The following PGM2 variants were observed in gnomAD, a reference collection of about 807,000 sequenced individuals.
PGM2 encodes phosphoglucomutase 2, also known as phosphopentomutase.
In PGM2, 57 loss-of-function variants were observed where a neutral mutation model predicts 74.6. That is an observed-to-expected ratio of 0.76 (90% CI 0.62 to 0.95). PGM2 has a LOEUF of 0.95. Ranked by LOEUF, PGM2 falls within the 40% of genes least tolerant of loss-of-function variation. PGM2 has a pLI of 0.00. For synonymous variants in PGM2, 273 were observed against 260.7 expected (o/e 1.05, Z -0.46); for missense variants, 706 against 741.9 (o/e 0.95, Z 0.56).
intron 12 of PGM2, among the ~76,000 whole-genome samples, chr4:37,852,671 T>C (rs1354358030): frequency 1.3e-5 from 2 of 152,208 alleles, no homozygotes; most frequent in African/African-American, 4.8e-5. Context: ...CAATCCTTCC[T>C]TTTTCAGCAG....
rs1725515021 is a variant in PGM2, at chr4:37,834,535, A to G, written c.250-83A>G. The G allele has an allele frequency of 5.9e-6, 4 of 679,066 alleles. No homozygotes were observed. In the East Asian group the frequency reaches 1.2e-4, roughly 20 times the overall value. 42.1% of individuals were successfully genotyped at this position (679,066 alleles called of 1,614,324 possible). ...ATAGTGTTCTATGAAATTTGAGAAAACTTAATTTTTGGCTAATTTTTCTAT... is the reference window on the plus strand; with the variant it reads ...ATAGTGTTCTATGAAATTTGAGAAAGCTTAATTTTTGGCTAATTTTTCTAT... On this transcript the variant is annotated intron_variant, in intron 2 of 13. Coordinates refer to ENST00000381967, the MANE Select transcript of PGM2 (RefSeq NM_018290.4).
rs142630273 is a variant in PGM2, at chr4:37,847,025, G to T, written c.1102G>T (p.Ala368Ser). ...SWKEKNQDRS[A>S]LKDTYMLSST... is the part of the protein sequence containing the mutation. ...GAAAGAGAAGAACCAGGATCGCAGTGCTCTCAAAGACACGTACATGTTGTC... is the reference window on the plus strand; with the variant it reads ...GAAAGAGAAGAACCAGGATCGCAGTTCTCTCAAAGACACGTACATGTTGTC... The change falls in exon 9 of 14, where the codon GCT becomes TCT. Residue 368 changes from alanine to serine, a missense_variant. By Grantham distance (99) the Ala-to-Ser change is moderately conservative (BLOSUM62 1). This residue lies in a region of PGM2 where 359 missense variants were observed against 371.1 expected (regional missense o/e 0.97). Coordinates refer to ENST00000381967, the MANE Select transcript of PGM2 (RefSeq NM_018290.4). 25 of 1,613,306 alleles carry T rather than the reference G, an allele frequency of 1.5e-5. No homozygotes were observed. In the African/African-American group the frequency reaches 2.8e-4, roughly 18 times the overall value.
intron 12 of PGM2, among the ~76,000 whole-genome samples, chr4:37,850,916 A>G (rs4832958): frequency 0.79 from 118,713 of 149,766 alleles, 47,430 homozygotes; most frequent in African/African-American, 0.87. Flanking sequence ...GCTTGAACCC[A>G]GGAGGCAGAA....
At chr4:37,835,788 C>A (rs1725553780) in intron 3 of PGM2, among the ~76,000 whole-genome samples, 1 of 152,132 alleles carries the variant, frequency 6.6e-6, no homozygotes, top group Non-Finnish European at 1.5e-5. Flanking sequence ...GGCATCAGCC[C>A]CAGGTTCAAC....
At chr4:37,845,819 T>C (rs1725856608) in intron 8 of PGM2, 89 bp downstream of exon 8, 8 of 836,496 alleles carry the variant, frequency 9.6e-6, no homozygotes, top group South Asian at 8.5e-5. Context: ...CGGGACCTAT[T>C]TGGAAACATT....
chr4:37,833,593 T>C (rs992147058), intron 2 of PGM2, among the ~76,000 whole-genome samples: 3 of 152,140 alleles, frequency 2.0e-5, no homozygotes, highest in South Asian at 4.1e-4. Context: ...TTAATAAGAC[T>C]TCCTTTAGCA....
At chr4:37,835,185 A>C (rs935361664) in intron 3 of PGM2, among the ~76,000 whole-genome samples, 1 of 152,230 alleles carries the variant, frequency 6.6e-6, no homozygotes, top group African/African-American at 2.4e-5. Flanking sequence ...GCTGATTATG[A>C]ACCAGACACT....
At chr4:37,857,680 T>C (rs555794584) in intron 13 of PGM2, among the ~76,000 whole-genome samples, 194 of 152,288 alleles carry the variant, frequency 1.3e-3, no homozygotes, top group Non-Finnish European at 2.2e-3. Flanking sequence ...TAAGAAGTCA[T>C]GGGACTATGT....
chr4:37,855,609 TTC>T lies in PGM2; in HGVS notation c.1606_1607del (p.Leu536SerfsTer3). On this transcript the variant is annotated frameshift_variant and splice_region_variant, in exon 13 of 14. Coordinates refer to ENST00000381967, the MANE Select transcript of PGM2 (RefSeq NM_018290.4). LOFTEE classifies it high-confidence loss of function. ...TATAATGTGTGCATTAATTCCTAGG[TTC>T]TTCCCACTAGTAAAAGCAGCCAAAT... The T allele has an allele frequency of 6.2e-7, 1 of 1,613,258 alleles. No homozygotes were observed. The highest frequency in any genetic ancestry group is 8.5e-7 in the Non-Finnish European group (1 of 1,179,550).
At chr4:37,840,693 C>G (rs1725685506) in intron 6 of PGM2, among the ~76,000 whole-genome samples, 1 of 152,184 alleles carries the variant, frequency 6.6e-6, no homozygotes. Context: ...CCAGCTGCAT[C>G]TGATTTTAGA....
chr4:37,839,111 ATTTTTTT>A (rs60423053), intron 4 of PGM2, among the ~76,000 whole-genome samples: 2 of 94,628 alleles, frequency 2.1e-5, no homozygotes, highest in African/African-American at 4.1e-5. Flanking sequence ...ATTCCCTCAA[ATTTTTTT>A]TTTTTTTTTT....
Position 37,847,029 on chromosome 4 carries a change from T to C in PGM2, c.1106T>C (p.Leu369Pro). The C allele has an allele frequency of 6.2e-7, 1 of 1,613,762 alleles. No individual in the cohort carries two copies. Among genetic ancestry groups the C allele is most frequent in the Non-Finnish European group, 8.5e-7 (1 of 1,179,636 alleles). ...GAGAAGAACCAGGATCGCAGTGCTC[T>C]CAAAGACACGTACATGTTGTCCAGC... ...WKEKNQDRSALKDTYMLSSTV... is the reference protein window; with the variant it reads ...WKEKNQDRSAPKDTYMLSSTV... The change falls in exon 9 of 14, where the codon CTC becomes CCC. Residue 369 changes from leucine to proline, a missense_variant. Physicochemically the swap from Leu to Pro is moderately conservative, Grantham distance 98. Coordinates refer to ENST00000381967, the MANE Select transcript of PGM2 (RefSeq NM_018290.4).
chr4:37,831,373 T>C (rs1279146776), intron 2 of PGM2, among the ~76,000 whole-genome samples: 3 of 152,112 alleles, frequency 2.0e-5, no homozygotes, highest in African/African-American at 7.2e-5. Flanking sequence ...TCTGTACCAG[T>C]TACTAGGGCT....
At chr4:37,835,201 A>G (rs1192620948) in intron 3 of PGM2, among the ~76,000 whole-genome samples, 1 of 152,168 alleles carries the variant, frequency 6.6e-6, no homozygotes, top group African/African-American at 2.4e-5. Context: ...ACACTTATGT[A>G]TTTACTCATT....
intron 6 of PGM2, among the ~76,000 whole-genome samples, chr4:37,840,741 G>A (rs189180839): frequency 6.6e-6 from 1 of 152,102 alleles, no homozygotes; most frequent in Non-Finnish European, 1.5e-5. Context: ...TTCTTAAAGG[G>A]ACAGATAGTA....
chr4:37,834,599 AT>A lies in PGM2; in HGVS notation c.250-18del, dbSNP rs749928260. The A allele has an allele frequency of 8.6e-7, 1 of 1,169,398 alleles. No homozygotes were observed. Among genetic ancestry groups the A allele is most frequent in the Non-Finnish European group, 1.3e-6 (1 of 791,480 alleles). 72.4% of individuals were successfully genotyped at this position (1,169,398 alleles called of 1,614,324 possible). On this transcript the variant is annotated intron_variant, in intron 2 of 13. Coordinates refer to ENST00000381967, the MANE Select transcript of PGM2 (RefSeq NM_018290.4). ...AAATATGTTAAAACATACTTTTTAAATCTATGGTGTATTTGTAGGGATTTTG... is the reference window on the plus strand; with the variant it reads ...AAATATGTTAAAACATACTTTTTAAACTATGGTGTATTTGTAGGGATTTTG...
Position 37,840,165 on chromosome 4 carries a change from G to A in PGM2, c.625G>A (p.Asp209Asn), listed in dbSNP as rs757988566. 2.5e-6 allele frequency: 4 copies of A among 1,612,446 alleles called. No individual in the cohort carries two copies. The highest frequency in any genetic ancestry group is 2.2e-5 in the East Asian group (1 of 44,882). The change falls in exon 6 of 14, where the codon GAT (aspartate) becomes AAT (asparagine). Residue 209 changes from aspartate to asparagine, a missense_variant. Transcript: ENST00000381967. ...NLEPWPQAWD[D>N]SLIDSSPLLH... Reference sequence around the variant, plus strand: ...AGAACCGTGGCCTCAAGCTTGGGACGATTCTTTAATTGATAGCAGTCCACT... The same window carrying A: ...AGAACCGTGGCCTCAAGCTTGGGACAATTCTTTAATTGATAGCAGTCCACT...
intron 8 of PGM2, among the ~76,000 whole-genome samples, chr4:37,846,229 T>G (rs1384569502): frequency 6.6e-6 from 1 of 152,000 alleles, no homozygotes. Flanking sequence ...AGTAAGTACG[T>G]GGGGCTAAAG....
chr4:37,839,111 A>ATTTTTTTTTTTTTTTTTTTTTTTTTTTT (rs60423053), intron 4 of PGM2, among the ~76,000 whole-genome samples: 1 of 94,660 alleles, frequency 1.1e-5, no homozygotes, highest in Non-Finnish European at 2.1e-5. Context: ...ATTCCCTCAA[A>ATTTTTTTTTTTTTTTTTTTTTTTTTTTT]TTTTTTTTTT....
Sources: allele counts gnomAD v4.1 joint callset (sites outside exome capture counted in the v4.1 genomes callset), GRCh38; gene constraint gnomAD v4.1.1; regional missense constraint gnomAD v4.1.1; transcripts MANE v1.5; gene names NCBI Gene and HGNC (gene_info 2026-07-23, HGNC 2026-07-21).